SLC24A4: variants seen among roughly 807,000 people sequenced by gnomAD.
SLC24A4 encodes the protein sodium/potassium/calcium exchanger 4.
A neutral mutation model predicts 79.0 loss-of-function variants in SLC24A4; 53 were observed. The ratio of observed to expected loss-of-function variants is 0.67; its 90% CI spans 0.54 to 0.84. The LOEUF (loss-of-function observed/expected upper bound fraction) is 0.84. SLC24A4 is among the 40% of genes least tolerant of loss of function. The pLI is 0.00. For synonymous variants in SLC24A4, 323 were observed against 323.8 expected, an observed-to-expected ratio of 1.00 and a Z score of 0.03; for missense variants, 731 against 822.0, an observed-to-expected ratio of 0.89 and a Z score of 1.35.
At chr14:92,474,864 T>TATATATATATATATATATATATATA (rs1491176639) in intron 12 of SLC24A4, among the ~76,000 whole-genome samples, 2 of 38,986 alleles carry the variant, frequency 5.1e-5, no homozygotes, top group African/African-American at 1.1e-4. Flanking sequence ...TATATATATA[T>TATATATATATATATATATATATATA]TTTTTTTTTT....
chr14:92,333,803 C>T lies in SLC24A4; in HGVS notation c.241+7825C>T, dbSNP rs537294050. Among the ~76,000 whole-genome samples, 125 of 140,528 alleles carry T rather than the reference C, an allele frequency of 8.9e-4. 2 individuals are homozygous for T. Among genetic ancestry groups the T allele is most frequent in the Non-Finnish European group, 8.4e-4 (55 of 65,138 alleles). The allele number at this position is 140,528 out of a possible 152,430, so 92.2% of individuals were successfully genotyped here. A position where few individuals can be genotyped will look rare whatever the true frequency, so the allele number is the denominator to read the frequency against. On this transcript the variant is annotated intron_variant, in intron 2 of 16. Coordinates refer to ENST00000532405, the MANE Select transcript of SLC24A4 (RefSeq NM_153646.4). ...ATTCTGTACCATGCCAGTGTAAGGG[C>T]GGTTGTGGGGTGCGGGGGGAGAGGG...
chr14:92,484,848 C>G, intron 13 of SLC24A4: 3 of 985,414 alleles, frequency 3.0e-6, no homozygotes, highest in Non-Finnish European at 3.6e-6. Context: ...GGGTGATTAC[C>G]TGGTAACAGT....
At position 92,453,991 on chromosome 14, in the gene SLC24A4, A is replaced by G. The variant is rs1893306877; in HGVS notation, c.972A>G (p.Ala324=). 1 of 1,613,900 alleles carries G rather than the reference A, an allele frequency of 6.2e-7. No individual in the cohort carries two copies. The highest frequency in any genetic ancestry group is 8.5e-7 in the Non-Finnish European group (1 of 1,179,874). Residue 324 remains alanine (A), a synonymous_variant, in exon 11 of 17, where the codon GCA becomes GCG. Coordinates refer to ENST00000532405, the MANE Select transcript of SLC24A4 (RefSeq NM_153646.4). The part of the protein sequence containing the change: ...SSPPKFTFPE[A]GLRIMITNKF... ...CTCCCAAGTTCACCTTCCCTGAAGC[A>G]GGCTTACGAATCATGATCACCAATA...
chr14:92,386,874 G>A lies in SLC24A4; in HGVS notation c.242-47038G>A, dbSNP rs539402829. On this transcript the variant is annotated intron_variant, in intron 2 of 16. Coordinates refer to ENST00000532405, the MANE Select transcript of SLC24A4 (RefSeq NM_153646.4). ...TCTTTGTGTTGAAATTGCAGGTGGT[G>A]AAATTTCCGGTCAAGGGAGGAGGCT... 4.0e-3 allele frequency among the ~76,000 whole-genome samples: 613 copies of A among 152,316 alleles called. 4 individuals are homozygous for A. Among genetic ancestry groups the A allele is most frequent in the African/African-American group, 0.014 (582 of 41,562 alleles).
rs143966296 is a variant in SLC24A4 at position 92,351,670 on chromosome 14, G to A, written c.241+25692G>A. On this transcript the variant is annotated intron_variant, in intron 2 of 16. Coordinates refer to ENST00000532405, the MANE Select transcript of SLC24A4 (RefSeq NM_153646.4). Reference sequence around the variant, plus strand: ...CCAGGAGTTTGAGACCAGCCTGGCCGACATGGTGAAACCCCATCTCTACTA... The same window carrying A: ...CCAGGAGTTTGAGACCAGCCTGGCCAACATGGTGAAACCCCATCTCTACTA... Among the ~76,000 whole-genome samples the A allele has an allele frequency of 7.4e-3, 1,132 of 151,988 alleles. 15 individuals are homozygous for A. The highest frequency in any genetic ancestry group is 0.026 in the African/African-American group (1,061 of 41,472).
Position 92,441,169 on chromosome 14 carries a change from A to AG in SLC24A4, c.394-917dup, listed in dbSNP as rs1044585237. ...GTGGCCCCAGAACCCAGGGCTGCTCAGGGATACTTTGGGAGTTGGGGCTGG... is the reference window on the plus strand; with the variant it reads ...GTGGCCCCAGAACCCAGGGCTGCTCAGGGGATACTTTGGGAGTTGGGGCTGG... On this transcript the variant is annotated intron_variant, in intron 4 of 16. Coordinates refer to ENST00000532405, the MANE Select transcript of SLC24A4 (RefSeq NM_153646.4). This position sits in a 1 kb window ranked among gnomAD's most constrained non-coding sequence, Gnocchi z 4.6. 3.9e-5 allele frequency among the ~76,000 whole-genome samples: 6 copies of AG among 152,142 alleles called. No homozygotes were observed. The highest frequency in any genetic ancestry group is 9.7e-5 in the African/African-American group (4 of 41,420).
At position 92,456,550 on chromosome 14, in the gene SLC24A4, A is replaced by G. The variant is rs150939533; in HGVS notation, c.1197A>G (p.Pro399=). 4.3e-4 allele frequency: 701 copies of G among 1,613,814 alleles called. 3 individuals carry two copies. The highest frequency in any genetic ancestry group is 5.0e-4 in the Non-Finnish European group (594 of 1,179,978). The change falls in exon 12 of 17, where the codon CCA becomes CCG. Residue 399 remains proline (P), a synonymous_variant. Coordinates refer to ENST00000532405, the MANE Select transcript of SLC24A4 (RefSeq NM_153646.4). ...AGGAGCAGCAGCCGCCGCCACAGCC[A>G]CCACCGCCAGAGCCAGAGCCGGTGG... ...QNQEQQPPPQ[P]PPPEPEPVEA...
At chr14:92,357,271 C>T (rs970114462) in intron 2 of SLC24A4, among the ~76,000 whole-genome samples, 1 of 152,092 alleles carries the variant, frequency 6.6e-6, no homozygotes. Context: ...AGGCTGATTG[C>T]CAGAAAGAAT....
chr14:92,425,479 C>T (rs564703262), intron 2 of SLC24A4, among the ~76,000 whole-genome samples: 4 of 152,170 alleles, frequency 2.6e-5, no homozygotes, highest in African/African-American at 9.7e-5. Flanking sequence ...CAAAACATGA[C>T]CATTTTGGGC....
At chr14:92,396,761 C>T (rs1308390660) in intron 2 of SLC24A4, among the ~76,000 whole-genome samples, 1 of 152,190 alleles carries the variant, frequency 6.6e-6, no homozygotes, top group Non-Finnish European at 1.5e-5. Context: ...TTCTGTATCT[C>T]TTTGGTAGTC....
intron 2 of SLC24A4, among the ~76,000 whole-genome samples, chr14:92,424,017 C>T (rs1477077330): frequency 1.3e-5 from 2 of 152,158 alleles, no homozygotes; most frequent in Non-Finnish European, 2.9e-5. Flanking sequence ...CTCCTGGCTG[C>T]CAGCACTCCT....
intron 1 of SLC24A4, among the ~76,000 whole-genome samples, chr14:92,325,003 C>T (rs1256913335): frequency 6.6e-6 from 1 of 152,174 alleles, no homozygotes; most frequent in Non-Finnish European, 1.5e-5. Context: ...TGGCTCTTTG[C>T]AGTGAGACCC....
chr14:92,443,272 C>T (rs902919721), intron 6 of SLC24A4, 128 bp from the exon 7 acceptor site: 11 of 804,916 alleles, frequency 1.4e-5, no homozygotes, highest in East Asian at 1.3e-4. Flanking sequence ...AAAGAACAAG[C>T]GTGGCCTGGA....
chr14:92,388,086 G>T (rs564832975), intron 2 of SLC24A4, among the ~76,000 whole-genome samples: 3 of 142,838 alleles, frequency 2.1e-5, no homozygotes, highest in South Asian at 4.2e-4. Context: ...AGATCACATG[G>T]TAATTCTGTA....
intron 2 of SLC24A4, among the ~76,000 whole-genome samples, chr14:92,415,689 C>T (rs1445761459): frequency 1.3e-5 from 2 of 152,158 alleles, no homozygotes; most frequent in Non-Finnish European, 2.9e-5. Flanking sequence ...AACTCCTAAC[C>T]TCAGGTGATC....
chr14:92,489,308 G>A (rs924800616), intron 14 of SLC24A4, among the ~76,000 whole-genome samples: 1 of 152,074 alleles, frequency 6.6e-6, no homozygotes, highest in Non-Finnish European at 1.5e-5. Flanking sequence ...GCGTGGTGGT[G>A]CACACCTGTA....
intron 2 of SLC24A4, among the ~76,000 whole-genome samples, chr14:92,362,419 A>G (rs149600222): frequency 3.8e-4 from 57 of 151,940 alleles, no homozygotes; most frequent in East Asian, 1.2e-3. Context: ...AGTCCCCCCA[A>G]TGTTCACCTC....
rs544884028 is a variant in SLC24A4, at chr14:92,458,030, TTCTGGGTTAGAGAGATTC to T, written c.1255+1436_1255+1453del. Among the ~76,000 whole-genome samples the T allele has an allele frequency of 1.4e-4, 21 of 152,244 alleles. No individual in the cohort carries two copies. The East Asian group carries it at 3.5e-3, about 25-fold the overall frequency. ...TAGGATCACGGAGCTTCCCTGGAGT[TTCTGGGTTAGAGAGATTC>T]TCTGGGTTAGAGATTCCAGGGCATG... On this transcript the variant is annotated intron_variant, in intron 12 of 16. Coordinates refer to ENST00000532405, the MANE Select transcript of SLC24A4 (RefSeq NM_153646.4).
chr14:92,360,207 C>T lies in SLC24A4; in HGVS notation c.241+34229C>T, dbSNP rs781374683. ...AAAGTGCTGAGATTACAGGCATGAG[C>T]CACTGCGCCTAGCCTGTGTTTTAGT... On this transcript the variant is annotated intron_variant, in intron 2 of 16. Transcript: ENST00000532405. Among the ~76,000 whole-genome samples the T allele has an allele frequency of 2.0e-4, 31 of 152,246 alleles. 1 individual carries two copies. Among genetic ancestry groups the T allele is most frequent in the Non-Finnish European group, 4.6e-4 (31 of 68,048 alleles).
Sources: allele counts gnomAD v4.1 joint callset (sites outside exome capture counted in the v4.1 genomes callset), GRCh38; gene constraint gnomAD v4.1.1; non-coding constraint Gnocchi (gnomAD v3.1); transcripts MANE v1.5; gene names NCBI Gene and HGNC (gene_info 2026-07-23, HGNC 2026-07-21).